The following ZNF18 variants were observed in gnomAD, a reference collection of about 807,000 sequenced individuals.
ZNF18 encodes heart development-specific gene 1 protein.
In ZNF18, 42 loss-of-function variants were observed where a neutral mutation model predicts 58.1. That is an observed-to-expected ratio of 0.72 (90% CI 0.56 to 0.93). The LOEUF (loss-of-function observed/expected upper bound fraction) is 0.93, where lower values mean the gene tolerates loss of function less well. Among genes scored for constraint, ZNF18 ranks in the 40% least tolerant of loss-of-function variants. The probability of loss-of-function intolerance (pLI) is 0.00; values close to 1 mark genes in which losing one functional copy is unlikely to be tolerated. For missense variants in ZNF18, 540 were observed against 644.2 expected (o/e 0.84, Z 1.75); for synonymous variants, 231 against 239.8 (o/e 0.96, Z 0.34).
At chr17:12,019,382 TAGGATTTCTATTAAA>T in the ZNF18 span, among the ~76,000 whole-genome samples, 3 of 152,090 alleles carry the variant, frequency 2.0e-5, no homozygotes, top group East Asian at 5.8e-4. Flanking sequence ...GTGCTGCTTC[TAGGATTTCTATTAAA>T]AGAATATATA....
chr17:12,008,664 T>C, the ZNF18 span, among the ~76,000 whole-genome samples: 1 of 152,212 alleles, frequency 6.6e-6, no homozygotes, highest in Non-Finnish European at 1.5e-5. Context: ...TGGGGATGTC[T>C]GAAGACTTTG....
chr17:12,014,940 C>T, the ZNF18 span, among the ~76,000 whole-genome samples: 2 of 151,650 alleles, frequency 1.3e-5, no homozygotes, highest in South Asian at 2.1e-4. Context: ...CCCAGCTACT[C>T]GGGAGGCTGA....
chr17:11,991,432 A>G (rs1418263046), intron 2 of ZNF18, among the ~76,000 whole-genome samples: 1 of 152,234 alleles, frequency 6.6e-6, no homozygotes, highest in Non-Finnish European at 1.5e-5. Context: ...ATGAAAACTC[A>G]GGCATCTTTT....
chr17:12,017,340 G>A, the ZNF18 span, among the ~76,000 whole-genome samples: 1 of 152,304 alleles, frequency 6.6e-6, no homozygotes, highest in Non-Finnish European at 1.5e-5. Flanking sequence ...AACCTGCACA[G>A]CTTGCAGCTC....
At chr17:11,999,974 T>A (rs938288042), upstream of ZNF18, among the ~76,000 whole-genome samples, 1 of 152,196 alleles carries the variant, frequency 6.6e-6, no homozygotes, top group Non-Finnish European at 1.5e-5. Context: ...TGTTGCCCAA[T>A]GTAGTGCCAG....
At chr17:12,000,007 C>T (rs973004256), upstream of ZNF18, among the ~76,000 whole-genome samples, 4 of 152,082 alleles carry the variant, frequency 2.6e-5, no homozygotes, top group Non-Finnish European at 4.4e-5. Context: ...CTGCAACCTC[C>T]GACTCCAGGT....
chr17:11,977,582 T>C lies in ZNF18; in HGVS notation c.*375A>G, dbSNP rs116080184. 1,670 of 174,928 alleles carry C rather than the reference T, an allele frequency of 9.5e-3. 33 individuals carry two copies. Among genetic ancestry groups the C allele is most frequent in the African/African-American group, 0.038 (1,585 of 42,198 alleles). 10.8% of individuals were successfully genotyped at this position (174,928 alleles called of 1,614,324 possible). A position where few individuals can be genotyped will look rare whatever the true frequency, so the allele number is the denominator to read the frequency against. ...TGGAACAGAAGACCTGCTCTAGAAC[T>C]CATTTTAAGGGGCTGATCTGAGGTT... On this transcript the variant is annotated 3_prime_UTR_variant, in exon 7 of 7. Transcript: ENST00000580306.
chr17:12,008,510 C>G, the ZNF18 span, among the ~76,000 whole-genome samples: 1 of 152,150 alleles, frequency 6.6e-6, no homozygotes, highest in Non-Finnish European at 1.5e-5. Flanking sequence ...TTGACCATCC[C>G]TTTAGATCAT....
At chr17:11,992,302 G>T in intron 2 of ZNF18, 141 bp downstream of exon 2, 1 of 1,099,430 alleles carries the variant, frequency 9.1e-7, no homozygotes, top group Non-Finnish European at 1.3e-6. Flanking sequence ...ACTGGTGTTA[G>T]AGAATCACAG....
chr17:11,977,860 AG>A lies in ZNF18; in HGVS notation c.*96del. Reference sequence around the variant, plus strand: ...CAATCCAAGAAAAAAGGAGATTAACAGGGGTATCCTCTTAGACACAATTCCT... The same window carrying A: ...CAATCCAAGAAAAAAGGAGATTAACAGGGTATCCTCTTAGACACAATTCCT... On this transcript the variant is annotated 3_prime_UTR_variant, in exon 7 of 7. Transcript: ENST00000580306. The A allele has an allele frequency of 7.2e-7, 1 of 1,383,314 alleles. No individual in the cohort carries two copies. Among genetic ancestry groups the A allele is most frequent in the Middle Eastern group, 1.9e-4 (1 of 5,142 alleles). The allele number at this position is 1,383,314 out of a possible 1,614,324, so 85.7% of individuals were successfully genotyped here. A position where few individuals can be genotyped will look rare whatever the true frequency, so the allele number is the denominator to read the frequency against.
At chr17:12,008,851 A>G in the ZNF18 span, among the ~76,000 whole-genome samples, 3 of 152,200 alleles carry the variant, frequency 2.0e-5, no homozygotes, top group African/African-American at 4.8e-5. Flanking sequence ...GGAACTCCCA[A>G]AAGAGAAATA....
intron 6 of ZNF18, among the ~76,000 whole-genome samples, chr17:11,982,535 G>A (rs1450398217): frequency 1.3e-5 from 2 of 152,126 alleles, no homozygotes; most frequent in Non-Finnish European, 2.9e-5. Context: ...TCTCTCTGTG[G>A]TATATTAGCA....
intron 6 of ZNF18, 43 bp downstream of exon 6, chr17:11,983,254 C>CA (rs1322803092): frequency 6.9e-7 from 1 of 1,457,602 alleles, no homozygotes; most frequent in Non-Finnish European, 9.6e-7. Flanking sequence ...AATTTAATGA[C>CA]AGGCAGTCAG....
Position 11,977,819 on chromosome 17 carries a change from C to T in ZNF18, c.*138G>A. 1 of 1,044,900 alleles carries T rather than the reference C, an allele frequency of 9.6e-7. No homozygotes were observed. The highest frequency in any genetic ancestry group is 1.8e-5 in the South Asian group (1 of 56,682). 64.7% of individuals were successfully genotyped at this position (1,044,900 alleles called of 1,614,324 possible). ...TATCCTCCAAGTCCAAAGCCATGTC[C>T]AGATTCTCTCCTCTCCAATCCAAGA... On this transcript the variant is annotated 3_prime_UTR_variant, in exon 7 of 7. Coordinates refer to ENST00000580306, the MANE Select transcript of ZNF18 (RefSeq NM_001303281.2).
chr17:12,014,575 A>G, the ZNF18 span, among the ~76,000 whole-genome samples: 3 of 152,238 alleles, frequency 2.0e-5, no homozygotes, highest in Non-Finnish European at 2.9e-5. Context: ...ATTTGTATGA[A>G]ATGTCCAGAA....
chr17:12,006,128 G>A, the ZNF18 span, among the ~76,000 whole-genome samples: 21 of 152,240 alleles, frequency 1.4e-4, no homozygotes, highest in African/African-American at 5.1e-4. Flanking sequence ...TCTGTGAGTG[G>A]CATTCAAATC....
chr17:12,021,345 T>G, the ZNF18 span: 2 of 159,804 alleles, frequency 1.3e-5, no homozygotes, highest in Non-Finnish European at 2.7e-5. Flanking sequence ...CGGCCCCCGT[T>G]TCCGGGAACG....
the ZNF18 span, among the ~76,000 whole-genome samples, chr17:12,010,446 T>C: frequency 6.6e-6 from 1 of 152,022 alleles, no homozygotes; most frequent in Non-Finnish European, 1.5e-5. Context: ...AGATGGAGTC[T>C]TGCTCTCTCG....
Position 11,982,433 on chromosome 17 carries a change from T to C in ZNF18, c.862+864A>G, listed in dbSNP as rs536715935. ...TCACTAATTGGTTATGCAATGCAGT[T>C]TGAAAAATTCTGTTCCAGAAGAAAT... On this transcript the variant is annotated intron_variant, in intron 6 of 6. Transcript: ENST00000580306. Among the ~76,000 whole-genome samples the C allele has an allele frequency of 3.3e-5, 5 of 152,350 alleles. No individual in the cohort carries two copies. The South Asian group carries it at 1.0e-3, about 32-fold the overall frequency.
Sources: gnomAD v4.1 joint callset for allele counts (sites outside exome capture counted in the v4.1 genomes callset) on GRCh38, gnomAD v4.1.1 for gene constraint, MANE v1.5 for transcripts, NCBI Gene and HGNC (gene_info 2026-07-23, HGNC 2026-07-21) for gene names.